CDCA2: variants seen among roughly 807,000 people sequenced by gnomAD.
CDCA2 encodes cell division cycle associated 2.
CDCA2 carries 44 observed loss-of-function variants against 67.0 expected under a neutral mutation model. The observed-to-expected ratio is 0.66, with a 90% confidence interval of 0.52 to 0.84. CDCA2 has a LOEUF of 0.84. Ranked by LOEUF, CDCA2 falls within the 40% of genes least tolerant of loss-of-function variation. The pLI is 0.00. For synonymous variants in CDCA2, 447 were observed against 418.7 expected, an observed-to-expected ratio of 1.07 and a Z score of -0.82; for missense variants, 1,253 against 1,203.2, an observed-to-expected ratio of 1.04 and a Z score of -0.61.
intron 7 of CDCA2, among the ~76,000 whole-genome samples, chr8:25,478,273 A>G (rs1803426906): frequency 6.6e-6 from 1 of 152,134 alleles, no homozygotes; most frequent in Non-Finnish European, 1.5e-5. Flanking sequence ...GCATTGACAA[A>G]TGCTACTAGG....
Position 25,483,407 on chromosome 8 carries a change from T to G in CDCA2, c.1041T>G (p.Cys347Trp), listed in dbSNP as rs1164161309. Residue 347 changes from cysteine (C) to tryptophan (W), a missense_variant, in exon 9 of 15, where the codon TGT becomes TGG. Coordinates refer to ENST00000330560, the MANE Select transcript of CDCA2 (RefSeq NM_152562.4). ...ATGTTTATTCTGTTTAGGAACACTG[T>G]AACAACCTCTATGATGATGATGGGA... ...KMCLESLQEHCNNLYDDDGTH... is the reference protein window; with the variant it reads ...KMCLESLQEHWNNLYDDDGTH... 2.5e-6 allele frequency: 4 copies of G among 1,602,926 alleles called. No homozygotes were observed. Among genetic ancestry groups the G allele is most frequent in the East Asian group, 2.3e-5 (1 of 44,410 alleles).
chr8:25,478,504 T>TC (rs1464968511), intron 7 of CDCA2, among the ~76,000 whole-genome samples: 2 of 152,164 alleles, frequency 1.3e-5, no homozygotes, highest in East Asian at 3.9e-4. Flanking sequence ...CTCCTCAAAA[T>TC]CTTTCATCGA....
intron 13 of CDCA2, among the ~76,000 whole-genome samples, chr8:25,492,647 A>C (rs746379002): frequency 1.2e-4 from 18 of 152,202 alleles, no homozygotes; most frequent in Non-Finnish European, 2.1e-4. Context: ...CATCTCCCTC[A>C]AGGGGCCCGG....
At chr8:25,484,573 ACT>A (rs564092908) in intron 10 of CDCA2, among the ~76,000 whole-genome samples, 121 of 150,498 alleles carry the variant, frequency 8.0e-4, no homozygotes, top group African/African-American at 2.8e-3. Flanking sequence ...CACAGAGAAA[ACT>A]CTAGGTATAG....
chr8:25,460,584 C>A, intron 3 of CDCA2, 30 bp downstream of exon 3: 1 of 1,582,676 alleles, frequency 6.3e-7, no homozygotes, highest in Non-Finnish European at 8.6e-7. Context: ...TGTTGTAATG[C>A]TTTTCAAGTT....
intron 13 of CDCA2, among the ~76,000 whole-genome samples, chr8:25,497,643 C>G (rs987703341): frequency 2.6e-5 from 4 of 151,990 alleles, no homozygotes; most frequent in Admixed American, 2.6e-4. Context: ...TTCTGGAGAT[C>G]TGTTGTACAG....
At position 25,468,264 on chromosome 8, in the gene CDCA2, G is replaced by T. The variant is rs781768717; in HGVS notation, c.586G>T (p.Val196Leu). Residue 196 changes from valine to leucine, a missense_variant, in exon 6 of 15, where the codon GTG becomes TTG. Physicochemically the swap from Val to Leu is conservative, Grantham distance 32 (BLOSUM62 1). Transcript: ENST00000330560. ...TTGCCAGCAGTCTGGGTTCCCTGCA[G>T]TGTTGTCCTCCAAACGTCGGAGAAT... The part of the protein sequence containing the change: ...SACQQSGFPA[V>L]LSSKRRRISY... 3 of 1,613,956 alleles carry T rather than the reference G, an allele frequency of 1.9e-6. No homozygotes were observed. Among genetic ancestry groups the T allele is most frequent in the Non-Finnish European group, 1.7e-6 (2 of 1,179,928 alleles).
intron 13 of CDCA2, among the ~76,000 whole-genome samples, chr8:25,497,556 G>T (rs542406389): frequency 6.6e-6 from 1 of 150,776 alleles, no homozygotes; most frequent in African/African-American, 2.4e-5. Context: ...TGGTTGTCAG[G>T]GGGGCTAGTG....
At chr8:25,464,497 C>G (rs977527636) in intron 4 of CDCA2, among the ~76,000 whole-genome samples, 1 of 152,132 alleles carries the variant, frequency 6.6e-6, no homozygotes, top group South Asian at 2.1e-4. Flanking sequence ...GTTGACTGAC[C>G]GACACAATTC....
At chr8:25,491,387 G>A (rs543604209) in intron 13 of CDCA2, among the ~76,000 whole-genome samples, 7 of 152,298 alleles carry the variant, frequency 4.6e-5, no homozygotes, top group African/African-American at 1.7e-4. Context: ...AAGGGCCAGG[G>A]GGTAGGCCTG....
chr8:25,478,913 TTAACTTTTTACTTG>T (rs1803460633), intron 7 of CDCA2, among the ~76,000 whole-genome samples: 2 of 149,386 alleles, frequency 1.3e-5, no homozygotes, highest in Admixed American at 6.7e-5. Context: ...TATATATATA[TTAACTTTTTACTTG>T]AAATAACTAT....
chr8:25,506,424 ACAGGTCACCTGATTATTT>A, intron 14 of CDCA2, 68 bp from the exon 15 acceptor site: 1 of 1,267,786 alleles, frequency 7.9e-7, no homozygotes, highest in Non-Finnish European at 1.1e-6. Context: ...CAAAAACAAA[ACAGGTCACCTGATTATTT>A]AATAAATGTA....
chr8:25,484,153 G>C lies in CDCA2; in HGVS notation c.1308G>C (p.Gln436His). 4 of 1,614,082 alleles carry C rather than the reference G, an allele frequency of 2.5e-6. No individual in the cohort carries two copies. Among genetic ancestry groups the C allele is most frequent in the East Asian group, 2.2e-5 (1 of 44,890 alleles). ...GTCTCAGTTCCCTGCTGCTTGAGCA[G>C]TCACCTGTTCCTGAGCCATTACCTC... The part of the protein sequence containing the change: ...FSGLSSLLLE[Q>H]SPVPEPLPQP... Residue 436 changes from glutamine to histidine, a missense_variant, in exon 10 of 15, where the codon CAG becomes CAC. Transcript: ENST00000330560.
At chr8:25,471,984 T>C (rs899035734) in intron 7 of CDCA2, 1 of 152,250 alleles carries the variant, frequency 6.6e-6, no homozygotes, top group African/African-American at 2.4e-5. Context: ...ACAGTGCACC[T>C]TCAGGAAGAA....
At chr8:25,480,867 C>CT (rs1392092057) in intron 8 of CDCA2, among the ~76,000 whole-genome samples, 2 of 152,148 alleles carry the variant, frequency 1.3e-5, no homozygotes, top group African/African-American at 4.8e-5. Flanking sequence ...GCCTGGTTTC[C>CT]TTATCTATAA....
At chr8:25,487,830 A>T (rs1290254026) in intron 12 of CDCA2, among the ~76,000 whole-genome samples, 2 of 152,220 alleles carry the variant, frequency 1.3e-5, no homozygotes, top group Non-Finnish European at 2.9e-5. Flanking sequence ...TTAGAAGAAA[A>T]ATCTAGAAAG....
chr8:25,506,729 A>C lies in CDCA2; in HGVS notation c.2063A>C (p.Asn688Thr). 1 of 1,612,326 alleles carries C rather than the reference A, an allele frequency of 6.2e-7. No homozygotes were observed. Among genetic ancestry groups the C allele is most frequent in the Non-Finnish European group, 8.5e-7 (1 of 1,179,442 alleles). Residue 688 changes from asparagine to threonine, a missense_variant, in exon 15 of 15, where the codon AAT becomes ACT. Physicochemically the swap from Asn to Thr is moderately conservative, Grantham distance 65. Transcript: ENST00000330560. ...PNTNIMNINE[N>T]KNIPKAKNKS... ...ACAAATATAATGAACATTAATGAAA[A>C]TAAAAATATTCCAAAAGCAAAAAAT...
At chr8:25,499,487 A>G (rs942672779) in intron 13 of CDCA2, among the ~76,000 whole-genome samples, 5 of 151,698 alleles carry the variant, frequency 3.3e-5, no homozygotes, top group Non-Finnish European at 4.4e-5. Flanking sequence ...TATTTTTGGT[A>G]GAGACGGGGT....
chr8:25,462,852 AT>A (rs907155523), intron 4 of CDCA2, among the ~76,000 whole-genome samples: 5 of 151,402 alleles, frequency 3.3e-5, no homozygotes, highest in Admixed American at 6.6e-5. Flanking sequence ...AATTATAAAA[AT>A]TTTTTTTTGT....
Sources: allele counts gnomAD v4.1 joint callset (sites outside exome capture counted in the v4.1 genomes callset), GRCh38; gene constraint gnomAD v4.1.1; transcripts MANE v1.5; gene names NCBI Gene and HGNC (gene_info 2026-07-23, HGNC 2026-07-21).